The following MOBP variants were observed in gnomAD, a reference collection of about 807,000 sequenced individuals.
MOBP encodes the protein myelin-associated oligodendrocyte basic protein.
Under a neutral mutation model 15.0 loss-of-function variants are expected in MOBP, and 5 were observed. The ratio of observed to expected loss-of-function variants is 0.33; its 90% CI spans 0.17 to 0.70. The LOEUF is 0.70. Among genes scored for constraint, MOBP ranks in the 30% least tolerant of loss-of-function variants. MOBP has a pLI of 0.67. For missense variants in MOBP, 188 were observed against 257.8 expected, an observed-to-expected ratio of 0.73 and a Z score of 1.85; for synonymous variants, 88 against 99.0, an observed-to-expected ratio of 0.89 and a Z score of 0.66.
chr3:39,521,041 C>T (rs2043260390), intron 3 of MOBP, among the ~76,000 whole-genome samples: 1 of 151,948 alleles, frequency 6.6e-6, no homozygotes, highest in South Asian at 2.1e-4. Flanking sequence ...CCTCTGCCTC[C>T]CAGGCTCAAG....
At position 39,502,985 on chromosome 3, in the gene MOBP, C is replaced by A; in HGVS notation, c.*105C>A. 2 of 603,494 alleles carry A rather than the reference C, an allele frequency of 3.3e-6. No individual in the cohort carries two copies. Among genetic ancestry groups the A allele is most frequent in the Admixed American group, 6.5e-5 (2 of 30,998 alleles). The allele number at this position is 603,494 out of a possible 1,614,324, so 37.4% of individuals were successfully genotyped here. On this transcript the variant is annotated 3_prime_UTR_variant, in exon 4 of 4. Coordinates refer to ENST00000684792, the MANE Select transcript of MOBP (RefSeq NM_001393704.1). The surrounding 1 kb of genome is among the most constrained non-coding windows in gnomAD (Gnocchi z 6.3). ...GGCCCTCTTCAGCCTTATTACCCAA[C>A]CTGTGTAATCAGCTCCCTCCATTAA...
intron 1 of MOBP, among the ~76,000 whole-genome samples, chr3:39,476,550 A>G (rs929729228): frequency 2.0e-5 from 3 of 152,178 alleles, no homozygotes; most frequent in African/African-American, 4.8e-5. Flanking sequence ...CTCACTATCT[A>G]TAATGTATTT....
chr3:39,515,951 CT>C (rs1559429548), exon 5 of MOBP: 1 of 152,170 alleles, frequency 6.6e-6, no homozygotes. Flanking sequence ...ACAGTTCCCC[CT>C]CCCCCCACAT....
downstream of MOBP, among the ~76,000 whole-genome samples, chr3:39,518,147 T>G (rs1452739595): frequency 1.3e-5 from 2 of 152,226 alleles, no homozygotes; most frequent in Non-Finnish European, 2.9e-5. Context: ...AAGAGTCAAT[T>G]CACAACTTCA....
At chr3:39,495,941 CTA>C (rs1473856783) in intron 2 of MOBP, among the ~76,000 whole-genome samples, 2 of 151,034 alleles carry the variant, frequency 1.3e-5, no homozygotes, top group African/African-American at 4.9e-5. Context: ...AGAATATAAA[CTA>C]TAGAGAAGAT....
In MOBP at chr3:39,502,740, C is replaced by T. The variant is rs1164635820; in HGVS notation, c.412C>T (p.Arg138Cys). ...CCCTCCGAGGTCTGAGCGTCAGCCA[C>T]GTCCCCGCCCAGAGGTCCGACCACC... ...RSPPRSERQP[R>C]PRPEVRPPPA... is the part of the protein sequence containing the mutation. Residue 138 changes from arginine to cysteine, a missense_variant, in exon 4 of 4, where the codon CGT (arginine) becomes TGT (cysteine). Physicochemically the swap from Arg to Cys is radical, Grantham distance 180. Coordinates refer to ENST00000684792, the MANE Select transcript of MOBP (RefSeq NM_001393704.1). The surrounding 1 kb of genome is among the most constrained non-coding windows in gnomAD (Gnocchi z 6.3). The T allele has an allele frequency of 1.3e-6, 2 of 1,535,428 alleles. No homozygotes were observed. The highest frequency in any genetic ancestry group is 1.7e-6 in the Non-Finnish European group (2 of 1,146,608).
intron 2 of MOBP, among the ~76,000 whole-genome samples, chr3:39,496,191 T>C (rs1190442035): frequency 2.2e-5 from 3 of 133,862 alleles, no homozygotes; most frequent in African/African-American, 1.0e-4. Flanking sequence ...TTTCTTTTTC[T>C]TTTTTTTCTT....
At position 39,469,154 on chromosome 3, in the gene MOBP, ATGTGTGTGTGTATACATATATACATGTG is replaced by A. The variant is rs2042421354; in HGVS notation, c.-89+1424_-89+1451del. ...TGTGTGTGTATATACATATATACATATGTGTGTGTGTATACATATATACATGTGTGTGTGTGTATATACATATATACAT... is the reference window on the plus strand; with the variant it reads ...TGTGTGTGTATATACATATATACATATGTGTGTGTATATACATATATACAT... On this transcript the variant is annotated intron_variant, in intron 1 of 3. Coordinates refer to ENST00000684792, the MANE Select transcript of MOBP (RefSeq NM_001393704.1). 2.3e-4 allele frequency among the ~76,000 whole-genome samples: 20 copies of A among 86,784 alleles called. 1 individual carries two copies. The highest frequency in any genetic ancestry group is 1.1e-3 in the South Asian group (3 of 2,778). The allele number at this position is 86,784 out of a possible 152,430, so 56.9% of individuals were successfully genotyped here.
chr3:39,504,281 G>A (rs526446), downstream of MOBP, among the ~76,000 whole-genome samples: 139,687 of 152,284 alleles, frequency 0.92, 64,715 homozygotes, highest in Middle Eastern at 0.98. Context: ...ATATATGGAA[G>A]TAGTTAGAAA....
In MOBP at chr3:39,502,152, C is replaced by T; in HGVS notation, c.83C>T (p.Pro28Leu). 2 of 1,614,222 alleles carry T rather than the reference C, an allele frequency of 1.2e-6. No individual in the cohort carries two copies. The highest frequency in any genetic ancestry group is 1.3e-5 in the African/African-American group (1 of 75,072). ...GAACACTTCAGCATACACTGCTGCC[C>T]GCCGTTCACCTTCCTCAATTCCAAG... is the stretch of plus-strand genomic sequence containing the variant. ...YSEHFSIHCC[P>L]PFTFLNSKKE... The change falls in exon 3 of 4, where the codon CCG becomes CTG. Residue 28 changes from proline (P) to leucine (L), a missense_variant. Pro to Leu is a moderately conservative substitution (Grantham distance 98). Coordinates refer to ENST00000684792, the MANE Select transcript of MOBP (RefSeq NM_001393704.1). This position sits in a 1 kb window ranked among gnomAD's most constrained non-coding sequence, Gnocchi z 6.3.
At chr3:39,526,912 G>C (rs1248684407), downstream of MOBP, 1 of 152,148 alleles carries the variant, frequency 6.6e-6, no homozygotes, top group Non-Finnish European at 1.5e-5. Flanking sequence ...AAGTAGCTGG[G>C]ATTACAGGTG....
chr3:39,508,143 C>A (rs2043070286), intron 4 of MOBP, among the ~76,000 whole-genome samples: 5 of 152,122 alleles, frequency 3.3e-5, no homozygotes, highest in African/African-American at 9.7e-5. Flanking sequence ...TTCCTTTGGG[C>A]AGTTATAGTT....
At chr3:39,519,042 A>G (rs924424683), downstream of MOBP, among the ~76,000 whole-genome samples, 1 of 152,250 alleles carries the variant, frequency 6.6e-6, no homozygotes, top group Non-Finnish European at 1.5e-5. Flanking sequence ...TAAGTACATC[A>G]ATCTTTGGGT....
At position 39,502,374 on chromosome 3, in the gene MOBP, T is replaced by A; in HGVS notation, c.206+99T>A. 6.4e-7 allele frequency: 1 copy of A among 1,564,212 alleles called. No individual in the cohort carries two copies. ...CTCCGCACCCCACTCTTCCCCCTAG[T>A]CGGCTCCGGGTTAGGCTCCGACACC... On this transcript the variant is annotated intron_variant, in intron 3 of 3. Coordinates refer to ENST00000684792, the MANE Select transcript of MOBP (RefSeq NM_001393704.1). The surrounding 1 kb of genome is among the most constrained non-coding windows in gnomAD (Gnocchi z 6.3).
intron 2 of MOBP, among the ~76,000 whole-genome samples, chr3:39,482,910 T>A (rs189208382): frequency 6.9e-4 from 105 of 152,084 alleles, no homozygotes; most frequent in South Asian, 1.2e-3. Flanking sequence ...TCCCAAACAC[T>A]CTCGGCCTAC....
chr3:39,498,292 A>G (rs2042915000), intron 2 of MOBP, among the ~76,000 whole-genome samples: 1 of 152,140 alleles, frequency 6.6e-6, no homozygotes, highest in Non-Finnish European at 1.5e-5. Flanking sequence ...TAAGTGCTGT[A>G]TTTCTGCCAC....
At chr3:39,505,677 C>T (rs1326733252), downstream of MOBP, among the ~76,000 whole-genome samples, 1 of 152,216 alleles carries the variant, frequency 6.6e-6, no homozygotes, top group Non-Finnish European at 1.5e-5. Flanking sequence ...GTGACAGCCT[C>T]TGCCTGGTCA....
At chr3:39,518,303 CA>C (rs1251886802), downstream of MOBP, among the ~76,000 whole-genome samples, 3 of 152,054 alleles carry the variant, frequency 2.0e-5, no homozygotes, top group Non-Finnish European at 2.9e-5. Flanking sequence ...TCTCTTGGAT[CA>C]AGAGAGTGTG....
chr3:39,501,804 A>G (rs2042973599), intron 2 of MOBP, among the ~76,000 whole-genome samples: 1 of 152,238 alleles, frequency 6.6e-6, no homozygotes, highest in Admixed American at 6.5e-5. Flanking sequence ...TCTCTAAAAC[A>G]TAAGGAAAAC....
Sources: allele counts gnomAD v4.1 joint callset (sites outside exome capture counted in the v4.1 genomes callset), GRCh38; gene constraint gnomAD v4.1.1; non-coding constraint Gnocchi (gnomAD v3.1); transcripts MANE v1.5; gene names NCBI Gene and HGNC (gene_info 2026-07-23, HGNC 2026-07-21).